ITFG2: variants seen among roughly 807,000 people sequenced by gnomAD.
ITFG2 encodes the protein integrin alpha FG-GAP repeat containing 2.
Under a neutral mutation model 54.4 loss-of-function variants are expected in ITFG2, and 36 were observed. The ratio of observed to expected loss-of-function variants is 0.66; its 90% CI spans 0.51 to 0.87. ITFG2 has a LOEUF of 0.87. Ranked by LOEUF, ITFG2 falls within the 40% of genes least tolerant of loss-of-function variation. The probability of loss-of-function intolerance (pLI) is 0.00; values close to 1 mark genes in which losing one functional copy is unlikely to be tolerated. For synonymous variants in ITFG2, 211 were observed against 225.4 expected, an observed-to-expected ratio of 0.94 and a Z score of 0.57; for missense variants, 524 against 576.7, an observed-to-expected ratio of 0.91 and a Z score of 0.94.
chr12:2,849,205 C>G (rs776973051), intron 2 of ITFG2: 28 of 1,519,548 alleles, frequency 1.8e-5, no homozygotes, highest in Non-Finnish European at 2.3e-5. Context: ...CTCTGGGTAT[C>G]ACGATCGTCC....
chr12:2,827,277 C>T (rs1173081212), downstream of ITFG2: 5 of 1,614,010 alleles, frequency 3.1e-6, no homozygotes, highest in Non-Finnish European at 3.4e-6. The surrounding 1 kb of genome is among the most constrained non-coding windows in gnomAD (Gnocchi z 4.0). Flanking sequence ...CCGCAGCACT[C>T]CGTGCTCCAG....
chr12:2,830,058 C>T (rs1008789842), downstream of ITFG2, among the ~76,000 whole-genome samples: 1 of 151,716 alleles, frequency 6.6e-6, no homozygotes, highest in Non-Finnish European at 1.5e-5. Context: ...GCCTGGGTGA[C>T]AGAGCGAGAC....
intron 10 of ITFG2, among the ~76,000 whole-genome samples, chr12:2,823,533 A>G (rs1442833437): frequency 1.3e-5 from 2 of 152,156 alleles, no homozygotes; most frequent in Non-Finnish European, 2.9e-5. Context: ...ACCTTTTTGG[A>G]TGCTATTCTG....
At chr12:2,847,892 TTC>T (rs1372614453) in intron 2 of ITFG2, among the ~76,000 whole-genome samples, 7 of 152,238 alleles carry the variant, frequency 4.6e-5, no homozygotes, top group Middle Eastern at 3.2e-3. Flanking sequence ...AATACTCAAT[TTC>T]TTTTTATGGC....
chr12:2,850,252 G>A (rs973742458), intron 2 of ITFG2, among the ~76,000 whole-genome samples: 3 of 152,016 alleles, frequency 2.0e-5, no homozygotes, highest in African/African-American at 7.2e-5. Flanking sequence ...GAGGCGGGTG[G>A]ATCACAAGGT....
rs772237742 is a variant in ITFG2 at position 2,820,868 on chromosome 12, A to G, written c.691A>G (p.Ser231Gly). Reference sequence around the variant, plus strand: ...TGCCTCTGAAGGGCCCACGGATGGTAGTAGGTAAGGGGGTACAGGCCAGTG... The same window carrying G: ...TGCCTCTGAAGGGCCCACGGATGGTGGTAGGTAAGGGGGTACAGGCCAGTG... ...PPASEGPTDGSRETPAARDVV... is the reference protein window; with the variant it reads ...PPASEGPTDGGRETPAARDVV... Residue 231 changes from serine to glycine, a missense_variant, in exon 6 of 12, where the codon AGT becomes GGT. Ser to Gly is a moderately conservative substitution (Grantham distance 56). Coordinates refer to ENST00000228799, the MANE Select transcript of ITFG2 (RefSeq NM_018463.4). The G allele has an allele frequency of 1.2e-5, 20 of 1,613,946 alleles. No homozygotes were observed. Among genetic ancestry groups the G allele is most frequent in the South Asian group, 6.6e-5 (6 of 91,080 alleles).
upstream of ITFG2, among the ~76,000 whole-genome samples, chr12:2,833,966 CAG>C (rs1179310951): frequency 1.3e-5 from 2 of 152,236 alleles, no homozygotes; most frequent in Non-Finnish European, 2.9e-5. Flanking sequence ...CATTGCCTCT[CAG>C]AGGGGAATGC....
downstream of ITFG2, among the ~76,000 whole-genome samples, chr12:2,828,794 A>G (rs2097984259): frequency 6.6e-6 from 1 of 152,198 alleles, no homozygotes; most frequent in Non-Finnish European, 1.5e-5. Flanking sequence ...GTGAGCCAAG[A>G]TCACGCCATT....
At chr12:2,831,437 A>G (rs2098002345), downstream of ITFG2, among the ~76,000 whole-genome samples, 4 of 152,062 alleles carry the variant, frequency 2.6e-5, no homozygotes, top group Admixed American at 2.0e-4. Flanking sequence ...TACAAAAATT[A>G]GCTAGATGTA....
Position 2,817,274 on chromosome 12 carries a change from AATGATG to A in ITFG2, c.150_155del (p.Asp51_Asp52del). ...CAGCGGGAAGGTGTCTGTGTATAAA[AATGATG>A]ACAGTCGGCCATGGCTCACCTGTTC... On this transcript the variant is annotated inframe_deletion, in exon 2 of 12. Transcript: ENST00000228799. 1 of 1,614,006 alleles carries A rather than the reference AATGATG, an allele frequency of 6.2e-7. No homozygotes were observed. The highest frequency in any genetic ancestry group is 8.5e-7 in the Non-Finnish European group (1 of 1,179,972).
intron 7 of ITFG2, 52 bp from the exon 8 acceptor site, chr12:2,821,491 T>C (rs2097944297): frequency 1.9e-6 from 3 of 1,598,690 alleles, no homozygotes; most frequent in Admixed American, 3.3e-5. Flanking sequence ...CCTCTCCCCG[T>C]AGGCTCTGAC....
intron 2 of ITFG2, chr12:2,830,772 T>C: frequency 6.2e-7 from 1 of 1,613,964 alleles, no homozygotes; most frequent in Non-Finnish European, 8.5e-7. Context: ...CTCCTGGCCA[T>C]GAATCAGGTC....
In ITFG2 at chr12:2,820,880, G is replaced by A. The variant is rs750654831; in HGVS notation, c.695+8G>A. On this transcript the variant is annotated splice_region_variant and intron_variant, in intron 6 of 11. Coordinates refer to ENST00000228799, the MANE Select transcript of ITFG2 (RefSeq NM_018463.4). ...GCCCACGGATGGTAGTAGGTAAGGG[G>A]GTACAGGCCAGTGGATGGTGTGGGG... 2.5e-6 allele frequency: 4 copies of A among 1,613,626 alleles called. No homozygotes were observed. Among genetic ancestry groups the A allele is most frequent in the African/African-American group, 2.7e-5 (2 of 74,884 alleles).
Position 2,819,966 on chromosome 12 carries a change from GA to G in ITFG2, c.407-118del, listed in dbSNP as rs2097937467. The G allele has an allele frequency of 3.1e-6, 4 of 1,300,124 alleles. No individual in the cohort carries two copies. In the East Asian group the frequency reaches 1.0e-4, roughly 34 times the overall value. 80.5% of individuals were successfully genotyped at this position (1,300,124 alleles called of 1,614,324 possible). ...GCAGGGGCGGGGGCAGACTGAGGGTGAAGTGAGTAGCACCGCAGATCGGGTG... is the reference window on the plus strand; with the variant it reads ...GCAGGGGCGGGGGCAGACTGAGGGTGAGTGAGTAGCACCGCAGATCGGGTG... On this transcript the variant is annotated intron_variant, in intron 4 of 11. Coordinates refer to ENST00000228799, the MANE Select transcript of ITFG2 (RefSeq NM_018463.4).
chr12:2,853,577 T>C (rs562006377), intron 2 of ITFG2, among the ~76,000 whole-genome samples: 1 of 151,944 alleles, frequency 6.6e-6, no homozygotes, highest in Non-Finnish European at 1.5e-5. Context: ...CCGGCCTGTT[T>C]TTTTTGTTGT....
chr12:2,858,924 G>C lies in ITFG2; in HGVS notation n.620+593G>C, dbSNP rs28919869. 4,907 of 1,613,808 alleles carry C rather than the reference G, an allele frequency of 3.0e-3. 82 individuals carry two copies. In the African/African-American group the frequency reaches 0.047, roughly 16 times the overall value. On this transcript the variant is annotated intron_variant and non_coding_transcript_variant, in intron 3 of 3. Transcript: ENST00000537710. ...GAGGAGCCTTTGCGGTGATTCAAGG[G>C]GGGGAGCACTTTGCAAGGGAGTGGT...
rs1286883728 is a variant in ITFG2 at position 2,845,245 on chromosome 12, A to G, written n.300+4250A>G. 6.6e-6 allele frequency among the ~76,000 whole-genome samples: 1 copy of G among 152,080 alleles called. No individual in the cohort carries two copies. Among genetic ancestry groups the G allele is most frequent in the Non-Finnish European group, 1.5e-5 (1 of 68,026 alleles). ...AGGGTCGCAGGGAAGCTGGAAAGTGAGTTGGGTGGGGACTGTCTGCAGAGG... is the reference window on the plus strand; with the variant it reads ...AGGGTCGCAGGGAAGCTGGAAAGTGGGTTGGGTGGGGACTGTCTGCAGAGG... On this transcript the variant is annotated intron_variant and non_coding_transcript_variant, in intron 2 of 3. Coordinates refer to the ITFG2 transcript ENST00000537710. The surrounding 1 kb of genome is among the most constrained non-coding windows in gnomAD (Gnocchi z 4.2).
upstream of ITFG2, chr12:2,835,156 C>CGTGTGTGTGTGTGTGTGTGTGT (rs1404966974): frequency 2.1e-5 from 27 of 1,299,566 alleles, 2 homozygotes; most frequent in African/African-American, 4.6e-4. Context: ...GTGGATGGGG[C>CGTGTGTGTGTGTGTGTGTGTGT]GTATGTGTGT....
chr12:2,848,911 A>ACT (rs1491074880), intron 2 of ITFG2: 1 of 357,174 alleles, frequency 2.8e-6, no homozygotes, highest in Non-Finnish European at 5.1e-6. Flanking sequence ...ACACACACAC[A>ACT]CTCCTTCCTT....
Sources: gnomAD v4.1 joint callset for allele counts (sites outside exome capture counted in the v4.1 genomes callset) on GRCh38, gnomAD v4.1.1 for gene constraint, Gnocchi (gnomAD v3.1) non-coding constraint, MANE v1.5 for transcripts, NCBI Gene and HGNC (gene_info 2026-07-23, HGNC 2026-07-21) for gene names.